The following GALNTL6 variants were observed in gnomAD, a reference collection of about 807,000 sequenced individuals.
GALNTL6 encodes the protein polypeptide N-acetylgalactosaminyltransferase-like 6.
In GALNTL6, 46 loss-of-function variants were observed where a neutral mutation model predicts 73.7. The observed-to-expected ratio is 0.62, with a 90% confidence interval of 0.49 to 0.80. The LOEUF is 0.80. GALNTL6 is among the 30% of genes least tolerant of loss of function. The probability of loss-of-function intolerance (pLI) is 0.00; values close to 1 mark genes in which losing one functional copy is unlikely to be tolerated. For missense variants in GALNTL6, 604 were observed against 755.0 expected (o/e 0.80, Z 2.34); for synonymous variants, 259 against 263.7 (o/e 0.98, Z 0.17).
At chr4:172,787,019 T>C (rs1739697654) in intron 5 of GALNTL6, among the ~76,000 whole-genome samples, 1 of 152,178 alleles carries the variant, frequency 6.6e-6, no homozygotes. Flanking sequence ...ACAAGGACTT[T>C]CTATTCTAGG....
intron 2 of GALNTL6, among the ~76,000 whole-genome samples, chr4:171,991,599 C>A (rs1054134465): frequency 2.0e-5 from 3 of 151,542 alleles, no homozygotes; most frequent in African/African-American, 7.3e-5. Context: ...ATTATCACTT[C>A]AAAGCCCAAA....
chr4:171,922,738 T>C (rs1218878872), intron 2 of GALNTL6, among the ~76,000 whole-genome samples: 1 of 152,150 alleles, frequency 6.6e-6, no homozygotes, highest in Admixed American at 6.5e-5. Flanking sequence ...GTTTATTTAA[T>C]ATTGTTTTTA....
At chr4:172,575,558 C>T (rs527676250) in intron 5 of GALNTL6, among the ~76,000 whole-genome samples, 8 of 152,282 alleles carry the variant, frequency 5.3e-5, no homozygotes, top group South Asian at 2.1e-4. Flanking sequence ...TTCAAATTCT[C>T]GCTGCCTCTG....
chr4:172,410,663 A>G (rs539070899), intron 5 of GALNTL6, among the ~76,000 whole-genome samples: 4 of 152,148 alleles, frequency 2.6e-5, no homozygotes, highest in Non-Finnish European at 5.9e-5. Context: ...CTCTTCAAAG[A>G]GGTCCCAGAA....
At chr4:172,910,169 C>A (rs76938596) in intron 8 of GALNTL6, among the ~76,000 whole-genome samples, 3,786 of 152,100 alleles carry the variant, frequency 0.025, 151 homozygotes, top group African/African-American at 0.086. Context: ...AGACAATATT[C>A]ATAGATGTCC....
chr4:172,793,960 CAT>C (rs1740131532), intron 5 of GALNTL6, among the ~76,000 whole-genome samples: 1 of 151,700 alleles, frequency 6.6e-6, no homozygotes. Flanking sequence ...CGAAGAACAC[CAT>C]TTATTTATTG....
intron 2 of GALNTL6, among the ~76,000 whole-genome samples, chr4:172,192,459 T>C (rs539450914): frequency 1.3e-5 from 2 of 151,206 alleles, no homozygotes. Flanking sequence ...AAGTGAATCC[T>C]GCACCTTCAG....
intron 8 of GALNTL6, among the ~76,000 whole-genome samples, chr4:172,899,874 A>C (rs1746530986): frequency 6.6e-6 from 1 of 152,124 alleles, no homozygotes; most frequent in Non-Finnish European, 1.5e-5. Context: ...GGCATTTGTA[A>C]ACTGTCATGG....
intron 2 of GALNTL6, among the ~76,000 whole-genome samples, chr4:172,150,557 G>A (rs1734053312): frequency 1.3e-5 from 2 of 152,166 alleles, no homozygotes; most frequent in African/African-American, 4.8e-5. Context: ...AGTAAAGAGT[G>A]CAGCAATGAT....
intron 5 of GALNTL6, among the ~76,000 whole-genome samples, chr4:172,604,376 G>T (rs530419555): frequency 3.3e-5 from 5 of 152,180 alleles, no homozygotes; most frequent in African/African-American, 9.6e-5. Flanking sequence ...TTCTGGCTTA[G>T]TATTAAAAAA....
Position 171,962,018 on chromosome 4 carries a change from C to A in GALNTL6, c.138+147300C>A, listed in dbSNP as rs374314372. On this transcript the variant is annotated intron_variant, in intron 2 of 12. Transcript: ENST00000506823. The stretch of plus-strand genomic sequence containing the variant: ...ACACTTATTAATCTTCCATATATAA[C>A]CTTTTGTCAGAACGCAAAAGTTATG... 4.6e-5 allele frequency among the ~76,000 whole-genome samples: 7 copies of A among 152,244 alleles called. No individual in the cohort carries two copies. In the South Asian group the frequency reaches 1.2e-3, roughly 27 times the overall value.
At chr4:172,475,419 C>T (rs1383998468) in intron 5 of GALNTL6, among the ~76,000 whole-genome samples, 2 of 150,904 alleles carry the variant, frequency 1.3e-5, no homozygotes, top group African/African-American at 4.9e-5. Context: ...ACAATTCAGT[C>T]ATGGACAAGG....
At chr4:172,449,966 C>T (rs1732152493) in intron 5 of GALNTL6, among the ~76,000 whole-genome samples, 1 of 152,156 alleles carries the variant, frequency 6.6e-6, no homozygotes, top group African/African-American at 2.4e-5. Context: ...CACCTGTCAT[C>T]CCAGCACTTT....
chr4:172,798,761 C>CA (rs1560959858), intron 5 of GALNTL6, among the ~76,000 whole-genome samples: 2 of 151,984 alleles, frequency 1.3e-5, no homozygotes, highest in African/African-American at 4.8e-5. Context: ...TGATGTTTGG[C>CA]AAAAAACAAT....
At position 172,880,967 on chromosome 4, in the gene GALNTL6, A is replaced by C. The variant is rs973910691; in HGVS notation, c.924-1823A>C. Among the ~76,000 whole-genome samples the C allele has an allele frequency of 2.6e-5, 4 of 152,224 alleles. No homozygotes were observed. In the East Asian group the frequency reaches 7.7e-4, roughly 29 times the overall value. ...ATTTTTCTTGCCCAATATCTCTAAC[A>C]CTGTATCTATGGTGGTTCTAGTTTT... On this transcript the variant is annotated intron_variant, in intron 7 of 12. Coordinates refer to ENST00000506823, the MANE Select transcript of GALNTL6 (RefSeq NM_001034845.3).
chr4:172,583,759 G>A (rs1371350595), intron 5 of GALNTL6, among the ~76,000 whole-genome samples: 1 of 151,144 alleles, frequency 6.6e-6, no homozygotes, highest in Non-Finnish European at 1.5e-5. Flanking sequence ...AATTATCCGG[G>A]GGTGGCACAC....
At chr4:172,875,732 A>AAAACAC (rs371213294) in intron 7 of GALNTL6, among the ~76,000 whole-genome samples, 1 of 145,718 alleles carries the variant, frequency 6.9e-6, no homozygotes, top group African/African-American at 2.6e-5. Context: ...CTCATACATA[A>AAAACAC]ACACACACAC....
At chr4:172,539,088 G>A (rs1318579542) in intron 5 of GALNTL6, among the ~76,000 whole-genome samples, 4 of 152,172 alleles carry the variant, frequency 2.6e-5, no homozygotes, top group Non-Finnish European at 5.9e-5. Context: ...GTTTTTCCTA[G>A]TTGGAGAATC....
chr4:172,759,559 C>T (rs1275286297), intron 5 of GALNTL6, among the ~76,000 whole-genome samples: 1 of 152,154 alleles, frequency 6.6e-6, no homozygotes, highest in Non-Finnish European at 1.5e-5. Flanking sequence ...TTCATCCACC[C>T]TTTAGGGTCT....
Sources: allele counts gnomAD v4.1 joint callset (sites outside exome capture counted in the v4.1 genomes callset), GRCh38; gene constraint gnomAD v4.1.1; transcripts MANE v1.5; gene names NCBI Gene and HGNC (gene_info 2026-07-23, HGNC 2026-07-21).